Variants in USP25 observed in about 807,000 individuals in gnomAD.
The protein encoded by USP25 is ubiquitin carboxyl-terminal hydrolase 25.
A neutral mutation model predicts 158.5 loss-of-function variants in USP25; 85 were observed. The ratio of observed to expected loss-of-function variants is 0.54; its 90% confidence interval spans 0.45 to 0.64. The LOEUF (loss-of-function observed/expected upper bound fraction) is 0.64, where lower values mean the gene tolerates loss of function less well. Among genes scored for constraint, USP25 ranks in the 30% least tolerant of loss-of-function variants. The pLI is 0.00. For synonymous variants in USP25, 464 were observed against 460.4 expected, an observed-to-expected ratio of 1.01 and a Z score of -0.10; for missense variants, 1,242 against 1,327.3, an observed-to-expected ratio of 0.94 and a Z score of 1.00.
chr21:15,738,912 T>C (rs1195681434), intron 1 of USP25, among the ~76,000 whole-genome samples: 3 of 152,166 alleles, frequency 2.0e-5, no homozygotes, highest in Non-Finnish European at 4.4e-5. Context: ...TAATTACCGG[T>C]GCATGCAGCC....
At chr21:15,876,380 T>C (rs1399833027) in intron 24 of USP25, 1 of 152,160 alleles carries the variant, frequency 6.6e-6, no homozygotes, top group Non-Finnish European at 1.5e-5. Context: ...TCACGATTGG[T>C]GTATTAGTCC....
At chr21:15,832,842 C>T (rs2037873739) in intron 16 of USP25, among the ~76,000 whole-genome samples, 2 of 151,930 alleles carry the variant, frequency 1.3e-5, no homozygotes. Flanking sequence ...CACAGTGAAA[C>T]CCCATTCTAC....
intron 9 of USP25, among the ~76,000 whole-genome samples, chr21:15,812,511 C>T (rs568512835): frequency 1.2e-3 from 177 of 152,068 alleles, no homozygotes; most frequent in African/African-American, 3.8e-3. Flanking sequence ...ATTAGCCAGG[C>T]GTGGTGGCAG....
rs1375845242 is a variant in USP25 at position 15,808,717 on chromosome 21, A to C, written c.781-92A>C. 1.3e-5 allele frequency: 11 copies of C among 836,514 alleles called. No individual in the cohort carries two copies. The East Asian group carries it at 3.0e-4, about 23-fold the overall frequency. 51.8% of individuals were successfully genotyped at this position (836,514 alleles called of 1,614,324 possible). ...CTTTGTAAGGAGTTGGTAATTATAT[A>C]TTTCAACAACTGGCTCTAGGTTTGA... On this transcript the variant is annotated intron_variant, in intron 7 of 25. Transcript: ENST00000400183.
chr21:15,809,007 A>G, intron 8 of USP25, 122 bp downstream of exon 8: 1 of 653,130 alleles, frequency 1.5e-6, no homozygotes, highest in Non-Finnish European at 2.4e-6. Flanking sequence ...TTTCTGTATT[A>G]TTGACAAGCT....
chr21:15,759,180 T>C (rs1456228739), intron 1 of USP25, among the ~76,000 whole-genome samples: 1 of 152,232 alleles, frequency 6.6e-6, no homozygotes, highest in Non-Finnish European at 1.5e-5. Flanking sequence ...TTGAATTGAA[T>C]AAAGATAATT....
intron 9 of USP25, among the ~76,000 whole-genome samples, chr21:15,814,192 G>T (rs542234572): frequency 6.7e-6 from 1 of 150,082 alleles, no homozygotes; most frequent in Non-Finnish European, 1.5e-5. Flanking sequence ...ATTTCCTCTT[G>T]CTGCTGCCAT....
chr21:15,812,145 A>G (rs931499163), intron 9 of USP25, among the ~76,000 whole-genome samples: 8 of 150,700 alleles, frequency 5.3e-5, no homozygotes, highest in Middle Eastern at 3.5e-3. Flanking sequence ...GAGTTAATAT[A>G]TATAAGTTTA....
intron 14 of USP25, among the ~76,000 whole-genome samples, chr21:15,829,183 A>G (rs987215635): frequency 1.3e-5 from 2 of 151,942 alleles, no homozygotes; most frequent in Admixed American, 1.3e-4. Flanking sequence ...TTTTATGTTC[A>G]GGGGTACATG....
chr21:15,776,050 C>G (rs1171567942), intron 3 of USP25, among the ~76,000 whole-genome samples: 1 of 152,016 alleles, frequency 6.6e-6, no homozygotes, highest in African/African-American at 2.4e-5. Flanking sequence ...ATTTTAATAA[C>G]CAAGATAGCT....
intron 5 of USP25, among the ~76,000 whole-genome samples, chr21:15,796,604 A>G (rs1461880826): frequency 6.6e-6 from 1 of 151,460 alleles, no homozygotes; most frequent in East Asian, 1.9e-4. Flanking sequence ...ATTAACTGAG[A>G]ACTGAAAGTT....
At chr21:15,868,913 A>G (rs1248505742) in intron 22 of USP25, among the ~76,000 whole-genome samples, 2 of 152,212 alleles carry the variant, frequency 1.3e-5, no homozygotes, top group Non-Finnish European at 2.9e-5. Context: ...TTTATTTGTT[A>G]TGAAGATCTA....
chr21:15,750,139 C>T (rs2032872188), intron 1 of USP25, among the ~76,000 whole-genome samples: 1 of 150,116 alleles, frequency 6.7e-6, no homozygotes, highest in African/African-American at 2.5e-5. Context: ...TCACCAATGG[C>T]CAATGATTTA....
intron 4 of USP25, among the ~76,000 whole-genome samples, chr21:15,779,587 A>G (rs986410195): frequency 2.6e-5 from 4 of 151,906 alleles, no homozygotes; most frequent in Non-Finnish European, 5.9e-5. Flanking sequence ...TAATTATATA[A>G]TAAAAGTAAG....
chr21:15,852,132 G>A (rs1441905893), intron 20 of USP25, among the ~76,000 whole-genome samples: 12 of 152,114 alleles, frequency 7.9e-5, no homozygotes, highest in Non-Finnish European at 1.5e-5. Context: ...TGGAGATTGA[G>A]TCGAATTTGA....
chr21:15,874,250 G>A (rs891333980), intron 23 of USP25, among the ~76,000 whole-genome samples, 153 bp from the exon 24 acceptor site: 2 of 152,012 alleles, frequency 1.3e-5, no homozygotes, highest in Admixed American at 6.5e-5. Flanking sequence ...CTAAAAAGGC[G>A]CTCTCAAGCA....
rs996497281 is a variant in USP25, at chr21:15,804,974, T to G, written c.643-147T>G. 1.4e-5 allele frequency: 11 copies of G among 813,092 alleles called. No homozygotes were observed. The African/African-American group carries it at 1.4e-4, about 11-fold the overall frequency. The allele number at this position is 813,092 out of a possible 1,614,324, so 50.4% of individuals were successfully genotyped here. A position where few individuals can be genotyped will look rare whatever the true frequency, so the allele number is the denominator to read the frequency against. On this transcript the variant is annotated intron_variant, in intron 6 of 25. Coordinates refer to ENST00000400183, the MANE Select transcript of USP25 (RefSeq NM_001283041.3). ...TCTTAGATGGCACCAACACTCTACT[T>G]TCTTCAATTATGATAGAGTGCTAAT...
intron 4 of USP25, among the ~76,000 whole-genome samples, chr21:15,784,347 C>T (rs1464573670): frequency 2.6e-5 from 4 of 152,184 alleles, no homozygotes; most frequent in South Asian, 2.1e-4. Context: ...CTGAGGCTGG[C>T]GGATCATCTG....
Position 15,864,404 on chromosome 21 carries a change from T to TA in USP25, c.2685dup (p.Leu896ThrfsTer7). ...CCAAAGAAAATTATTGAGAAAACAT[T>TA]ACTAGAACAATTTGGAGATAGAAAT... On this transcript the variant is annotated frameshift_variant, in exon 21 of 26. Coordinates refer to ENST00000400183, the MANE Select transcript of USP25 (RefSeq NM_001283041.3). LOFTEE classifies it high-confidence loss of function. 6.2e-7 allele frequency: 1 copy of TA among 1,609,978 alleles called. No individual in the cohort carries two copies. Among genetic ancestry groups the TA allele is most frequent in the South Asian group, 1.1e-5 (1 of 89,542 alleles).
Sources: allele counts gnomAD v4.1 joint callset (sites outside exome capture counted in the v4.1 genomes callset), GRCh38; gene constraint gnomAD v4.1.1; transcripts MANE v1.5; gene names NCBI Gene and HGNC (gene_info 2026-07-23, HGNC 2026-07-21).